Variants in LUZP2 observed in about 807,000 individuals in gnomAD.
LUZP2 encodes the protein leucine zipper protein 2.
In LUZP2, 52 loss-of-function variants were observed where a neutral mutation model predicts 51.6. That is an observed-to-expected ratio of 1.01 (90% confidence interval 0.81 to 1.27). The LOEUF (loss-of-function observed/expected upper bound fraction) is 1.27, where lower values mean the gene tolerates loss of function less well. Among genes scored for constraint, LUZP2 ranks in the 50% most tolerant of loss-of-function variants. The probability of loss-of-function intolerance (pLI) is 0.00; values close to 1 mark genes in which losing one functional copy is unlikely to be tolerated. For missense variants in LUZP2, 436 were observed against 395.4 expected (o/e 1.10, Z -0.87); for synonymous variants, 154 against 137.3 (o/e 1.12, Z -0.85).
intron 1 of LUZP2, among the ~76,000 whole-genome samples, chr11:24,722,391 G>A (rs944625371): frequency 1.3e-5 from 2 of 152,086 alleles, no homozygotes; most frequent in Non-Finnish European, 2.9e-5. Flanking sequence ...TTACACGGAT[G>A]GCAGCAGGCA....
intron 1 of LUZP2, among the ~76,000 whole-genome samples, chr11:24,616,642 A>C (rs12274586): frequency 6.6e-6 from 1 of 151,930 alleles, no homozygotes; most frequent in African/African-American, 2.4e-5. Context: ...CTGAGTTGTC[A>C]GTGGTGTTGC....
intron 9 of LUZP2, among the ~76,000 whole-genome samples, chr11:25,013,754 CT>C (rs898594430): frequency 3.1e-4 from 45 of 143,124 alleles, no homozygotes; most frequent in African/African-American, 1.2e-3. Context: ...ATTTATTATT[CT>C]TTTTTTATTA....
intron 1 of LUZP2, among the ~76,000 whole-genome samples, chr11:24,628,690 C>T (rs1028684038): frequency 5.3e-5 from 8 of 152,092 alleles, no homozygotes; most frequent in Non-Finnish European, 8.8e-5. Flanking sequence ...TCCTGAGTAG[C>T]TGGGATTAAA....
At chr11:25,044,247 GTGTGTGTGTGTATATATATATA>G (rs1461070679) in intron 9 of LUZP2, among the ~76,000 whole-genome samples, 5 of 67,578 alleles carry the variant, frequency 7.4e-5, no homozygotes, top group African/African-American at 2.2e-4. Context: ...GTGTGTGTGT[GTGTGTGTGTGTATATATATATA>G]TATATATATA....
At chr11:24,963,318 C>T (rs1015595110) in intron 7 of LUZP2, among the ~76,000 whole-genome samples, 3 of 152,190 alleles carry the variant, frequency 2.0e-5, no homozygotes, top group African/African-American at 7.2e-5. Context: ...ACATTTAAGT[C>T]TGCAGAGGTT....
At chr11:24,581,459 C>T (rs1852851216) in intron 1 of LUZP2, among the ~76,000 whole-genome samples, 1 of 151,902 alleles carries the variant, frequency 6.6e-6, no homozygotes. Context: ...TCACTTGAGG[C>T]CAGGAGTTTG....
At chr11:24,687,209 A>G (rs1220655417) in intron 1 of LUZP2, among the ~76,000 whole-genome samples, 1 of 150,534 alleles carries the variant, frequency 6.6e-6, no homozygotes, top group East Asian at 2.0e-4. Context: ...ACATATGCAT[A>G]AAATGATCAT....
intron 6 of LUZP2, among the ~76,000 whole-genome samples, chr11:24,908,252 A>G (rs760421693): frequency 3.5e-4 from 54 of 152,180 alleles, no homozygotes; most frequent in Non-Finnish European, 6.2e-4. Context: ...GATAATATTC[A>G]CAAGGGAAGC....
At chr11:24,760,440 A>G (rs568155402) in intron 4 of LUZP2, among the ~76,000 whole-genome samples, 2 of 152,208 alleles carry the variant, frequency 1.3e-5, no homozygotes, top group East Asian at 3.9e-4. Context: ...ATCAACTTGA[A>G]CTATCTACCT....
intron 5 of LUZP2, among the ~76,000 whole-genome samples, chr11:24,903,294 T>C (rs1853335962): frequency 6.6e-6 from 1 of 152,182 alleles, no homozygotes; most frequent in South Asian, 2.1e-4. Context: ...CAAAAATACA[T>C]TACTTGAACA....
Position 25,077,339 on chromosome 11 carries a change from C to A in LUZP2, c.869C>A (p.Pro290Gln), listed in dbSNP as rs201686624. 1.2e-6 allele frequency: 2 copies of A among 1,611,674 alleles called. No homozygotes were observed. The highest frequency in any genetic ancestry group is 1.3e-5 in the African/African-American group (1 of 74,886). Residue 290 changes from proline (P) to glutamine (Q), a missense_variant, in exon 11 of 12, where the codon CCG (proline) becomes CAG (glutamine). Physicochemically the swap from Pro to Gln is moderately conservative, Grantham distance 76. Coordinates refer to ENST00000336930, the MANE Select transcript of LUZP2 (RefSeq NM_001009909.4). ...TACDSQDEGR[P>Q]CSMKHKESPP... ...TTGCTACTTTTGTAGGAGGGCAGAC[C>A]GTGTTCCATGAAGCACAAAGAAAGT...
intron 5 of LUZP2, among the ~76,000 whole-genome samples, chr11:24,848,511 T>C (rs1447360960): frequency 2.0e-5 from 3 of 152,166 alleles, no homozygotes; most frequent in African/African-American, 4.8e-5. Context: ...AGTTTGCTAC[T>C]TACCCTTGAG....
At chr11:24,612,253 C>T (rs983553825) in intron 1 of LUZP2, among the ~76,000 whole-genome samples, 1 of 152,036 alleles carries the variant, frequency 6.6e-6, no homozygotes, top group Admixed American at 6.5e-5. Flanking sequence ...GATGGGGTCA[C>T]TATCAGAGAT....
intron 5 of LUZP2, among the ~76,000 whole-genome samples, chr11:24,885,495 G>T (rs1259399657): frequency 6.6e-6 from 1 of 152,066 alleles, no homozygotes; most frequent in African/African-American, 2.4e-5. Context: ...AAGTCTAGTT[G>T]TCCTGATCCA....
intron 1 of LUZP2, among the ~76,000 whole-genome samples, chr11:24,633,956 G>T (rs920710784): frequency 8.7e-6 from 1 of 114,608 alleles, no homozygotes; most frequent in Admixed American, 8.7e-5. Context: ...GTGTGTGTGT[G>T]TGTGTGTGTA....
At chr11:24,535,552 CA>C (rs1242854663) in intron 1 of LUZP2, among the ~76,000 whole-genome samples, 1 of 151,542 alleles carries the variant, frequency 6.6e-6, no homozygotes, top group Non-Finnish European at 1.5e-5. Context: ...GCTCATATAT[CA>C]GAAGCAACTC....
intron 1 of LUZP2, among the ~76,000 whole-genome samples, chr11:24,647,979 T>G (rs2133956987): frequency 6.6e-6 from 1 of 152,034 alleles, no homozygotes; most frequent in South Asian, 2.1e-4. Context: ...TACTCTTTTC[T>G]ATCATTACTC....
chr11:24,908,899 G>C (rs12290449), intron 6 of LUZP2, among the ~76,000 whole-genome samples: 2,744 of 151,486 alleles, frequency 0.018, 83 homozygotes, highest in African/African-American at 0.061. Flanking sequence ...GGGACTATCG[G>C]ACTATTAGCC....
intron 1 of LUZP2, among the ~76,000 whole-genome samples, chr11:24,724,921 A>G (rs1858415171): frequency 2.0e-5 from 3 of 152,224 alleles, no homozygotes; most frequent in Admixed American, 6.5e-5. Context: ...TAGTAGCAAT[A>G]AGTCTAACAA....
Sources: allele counts gnomAD v4.1 joint callset (sites outside exome capture counted in the v4.1 genomes callset), GRCh38; gene constraint gnomAD v4.1.1; transcripts MANE v1.5; gene names NCBI Gene and HGNC (gene_info 2026-07-23, HGNC 2026-07-21).